PRDM15: variants seen among roughly 807,000 people sequenced by gnomAD.
The protein encoded by PRDM15 is PR domain zinc finger protein 15.
Under a neutral mutation model 128.6 loss-of-function variants are expected in PRDM15, and 64 were observed. The ratio of observed to expected loss-of-function variants is 0.50; its 90% confidence interval spans 0.41 to 0.61. PRDM15 has a LOEUF of 0.61. Among genes scored for constraint, PRDM15 ranks in the 20% least tolerant of loss-of-function variants. The pLI is 0.00. For synonymous variants in PRDM15, 615 were observed against 621.8 expected, an observed-to-expected ratio of 0.99 and a Z score of 0.16; for missense variants, 1,242 against 1,569.1, an observed-to-expected ratio of 0.79 and a Z score of 3.52.
Position 41,859,323 on chromosome 21 carries a change from T to A in PRDM15, c.131+269A>T. On this transcript the variant is annotated intron_variant, in intron 3 of 23. Coordinates refer to ENST00000398548, the MANE Select transcript of PRDM15 (RefSeq NM_001040424.3). This position sits in a 1 kb window ranked among gnomAD's most constrained non-coding sequence, Gnocchi z 5.3. ...TTGGCAAGTCCACTCTTCTGCAGCC[T>A]CCACACACTGTGTCGGGAACAGCTG... 8.7e-7 allele frequency: 1 copy of A among 1,150,568 alleles called. No homozygotes were observed. The allele number at this position is 1,150,568 out of a possible 1,614,324, so 71.3% of individuals were successfully genotyped here. A position where few individuals can be genotyped will look rare whatever the true frequency, so the allele number is the denominator to read the frequency against.
At chr21:41,857,552 G>A (rs2063675040) in intron 3 of PRDM15, among the ~76,000 whole-genome samples, 1 of 152,170 alleles carries the variant, frequency 6.6e-6, no homozygotes, top group Admixed American at 6.5e-5. Flanking sequence ...ATAAGCCCAG[G>A]AGTTTGAGAC....
intron 6 of PRDM15, among the ~76,000 whole-genome samples, chr21:41,841,334 G>A (rs1169202849): frequency 6.6e-6 from 1 of 152,146 alleles, no homozygotes; most frequent in Non-Finnish European, 1.5e-5. Flanking sequence ...GAATAATAAT[G>A]GAAGGCATAA....
chr21:41,839,839 G>C lies in PRDM15; in HGVS notation c.655C>G (p.His219Asp). 6.2e-7 allele frequency: 1 copy of C among 1,614,110 alleles called. No individual in the cohort carries two copies. The highest frequency in any genetic ancestry group is 8.5e-7 in the Non-Finnish European group (1 of 1,179,988). Residue 219 changes from histidine (H) to aspartate (D), a missense_variant, in exon 7 of 24, where the codon CAC becomes GAC. His to Asp is a moderately conservative substitution (Grantham distance 81, BLOSUM62 -1). Coordinates refer to ENST00000398548, the MANE Select transcript of PRDM15 (RefSeq NM_001040424.3). ...LQLLNEHLLG[H>D]LEQAKSLPPG... ...GGAAGGCTTTTGGCTTGTTCTAAGT[G>C]GCCCAACAGATGTTCTGCAAAGAGA...
chr21:41,867,320 C>T lies in PRDM15; in HGVS notation c.-9-6948G>A, dbSNP rs1176160785. The T allele has an allele frequency of 2.5e-5, 40 of 1,613,642 alleles. No individual in the cohort carries two copies. The highest frequency in any genetic ancestry group is 2.8e-5 in the Non-Finnish European group (33 of 1,179,872). On this transcript the variant is annotated intron_variant, in intron 1 of 23. Coordinates refer to ENST00000398548, the MANE Select transcript of PRDM15 (RefSeq NM_001040424.3). ...CTGACCTCCTCCGTTCGCAATCTTC[C>T]CCAGGGCTGGGGGCAGATTTTCCTG...
intron 1 of PRDM15, among the ~76,000 whole-genome samples, chr21:41,863,946 C>T (rs540894042): frequency 2.6e-5 from 4 of 152,076 alleles, no homozygotes; most frequent in Admixed American, 2.0e-4. Context: ...CAAGTTCAAG[C>T]GATTCTCCTG....
rs373282748 is a variant in PRDM15 at position 41,835,541 on chromosome 21, G to C, written c.1279-17C>G. 6.2e-7 allele frequency: 1 copy of C among 1,600,254 alleles called. No individual in the cohort carries two copies. The highest frequency in any genetic ancestry group is 1.7e-5 in the Admixed American group (1 of 59,964). ...GCCGTCCACCTGGTCAGAGGGACAC[G>C]CCGTGAGTGAGATGGCCCAGCGCAG... On this transcript the variant is annotated splice_polypyrimidine_tract_variant and intron_variant, in intron 10 of 23. Coordinates refer to ENST00000398548, the MANE Select transcript of PRDM15 (RefSeq NM_001040424.3).
intron 3 of PRDM15, 52 bp from the exon 4 acceptor site, chr21:41,857,381 C>T (rs750052888): frequency 1.7e-5 from 27 of 1,595,314 alleles, no homozygotes; most frequent in African/African-American, 2.7e-5. Context: ...ACCCAGGGAC[C>T]GACTCGTTAA....
Position 41,828,369 on chromosome 21 carries a change from A to G in PRDM15, c.1367-36T>C. On this transcript the variant is annotated intron_variant, in intron 11 of 23. Coordinates refer to ENST00000398548, the MANE Select transcript of PRDM15 (RefSeq NM_001040424.3). This position sits in a 1 kb window ranked among gnomAD's most constrained non-coding sequence, Gnocchi z 5.7. The stretch of plus-strand genomic sequence containing the variant: ...AGCAAACAAACACACAACGATTTTG[A>G]GGTAAATAACATCTCACGCAGGCAC... The G allele has an allele frequency of 6.2e-7, 1 of 1,610,540 alleles. No homozygotes were observed. Among genetic ancestry groups the G allele is most frequent in the Non-Finnish European group, 8.5e-7 (1 of 1,177,376 alleles).
At chr21:41,806,009 CCACCACCA>C (rs2061562193) in intron 21 of PRDM15, among the ~76,000 whole-genome samples, 4 of 55,652 alleles carry the variant, frequency 7.2e-5, no homozygotes, top group Non-Finnish European at 1.2e-4. Context: ...ACCACCATCA[CCACCACCA>C]TCACCACCAC....
At chr21:41,865,148 C>T (rs1282264639) in intron 1 of PRDM15, among the ~76,000 whole-genome samples, 5 of 103,410 alleles carry the variant, frequency 4.8e-5, no homozygotes, top group Non-Finnish European at 8.3e-5. Context: ...ACTCCCCACT[C>T]CCCGGCTCAC....
Position 41,878,938 on chromosome 21 carries a change from G to T in PRDM15, c.-10+332C>A, listed in dbSNP as rs998837584. On this transcript the variant is annotated intron_variant, in intron 1 of 23. Transcript: ENST00000398548. ...GGGCCTGGCCGCGGGCGGGCGGGGG[G>T]CGCGAGGCAGGGGACGGGGGCGCGG... 6 of 958,736 alleles carry T rather than the reference G, an allele frequency of 6.3e-6. No individual in the cohort carries two copies. The African/African-American group carries it at 9.0e-5, about 14-fold the overall frequency. 59.4% of individuals were successfully genotyped at this position (958,736 alleles called of 1,614,324 possible).
intron 1 of PRDM15, chr21:41,863,232 T>C (rs551418441): frequency 1.3e-5 from 2 of 151,334 alleles, no homozygotes; most frequent in Admixed American, 1.3e-4. Context: ...TGGGAAGACT[T>C]ACCTTACATT....
chr21:41,802,455 G>A (rs73373467), intron 23 of PRDM15, among the ~76,000 whole-genome samples: 6,103 of 152,228 alleles, frequency 0.04, 398 homozygotes, highest in African/African-American at 0.14. Context: ...ATTGCCACCC[G>A]GGCAGGGATA....
chr21:41,831,148 T>C (rs562289546), intron 11 of PRDM15, among the ~76,000 whole-genome samples: 1 of 152,300 alleles, frequency 6.6e-6, no homozygotes, highest in East Asian at 1.9e-4. Flanking sequence ...GTTTGCCAAA[T>C]ATACAAATCC....
rs1441533714 is a variant in PRDM15 at position 41,821,330 on chromosome 21, CCT to C, written c.1897-102_1897-101del. 1 of 1,382,060 alleles carries C rather than the reference CCT, an allele frequency of 7.2e-7. No homozygotes were observed. The highest frequency in any genetic ancestry group is 1.0e-6 in the Non-Finnish European group (1 of 1,001,330). The allele number at this position is 1,382,060 out of a possible 1,614,324, so 85.6% of individuals were successfully genotyped here. ...CCACAAACCAGGGCACCCGACACGC[CCT>C]GAGAGCCCATGACTCATGCCAGGGT... On this transcript the variant is annotated intron_variant, in intron 15 of 23. Coordinates refer to ENST00000398548, the MANE Select transcript of PRDM15 (RefSeq NM_001040424.3). The surrounding 1 kb of genome is among the most constrained non-coding windows in gnomAD (Gnocchi z 5.4).
chr21:41,833,077 G>A (rs1222346849), intron 11 of PRDM15, among the ~76,000 whole-genome samples: 1 of 152,188 alleles, frequency 6.6e-6, no homozygotes, highest in Non-Finnish European at 1.5e-5. Flanking sequence ...AAGGGAGAGG[G>A]GTGCAGGGCA....
intron 22 of PRDM15, among the ~76,000 whole-genome samples, chr21:41,803,419 C>T (rs115384842): frequency 2.6e-5 from 4 of 152,378 alleles, no homozygotes; most frequent in African/African-American, 7.2e-5. Flanking sequence ...GGCCCCTCCC[C>T]GCACGATTCC....
intron 19 of PRDM15, chr21:41,814,625 G>A (rs1255441073): frequency 7.2e-6 from 1 of 139,646 alleles, no homozygotes; most frequent in African/African-American, 2.7e-5. Context: ...GTGCTCTAGT[G>A]TTTTATGAGA....
chr21:41,833,331 C>G (rs11910888), intron 11 of PRDM15, among the ~76,000 whole-genome samples: 1,652 of 152,300 alleles, frequency 0.011, 32 homozygotes, highest in African/African-American at 0.038. Context: ...CCCCCACACC[C>G]CTCTCCAGGG....
Sources: gnomAD v4.1 joint callset for allele counts (sites outside exome capture counted in the v4.1 genomes callset) on GRCh38, gnomAD v4.1.1 for gene constraint, Gnocchi (gnomAD v3.1) non-coding constraint, MANE v1.5 for transcripts, NCBI Gene and HGNC (gene_info 2026-07-23, HGNC 2026-07-21) for gene names.